DISC1: variants seen among roughly 807,000 people sequenced by gnomAD.
The protein encoded by DISC1 is DISC1 scaffold protein.
Under a neutral mutation model 84.5 loss-of-function variants are expected in DISC1, and 57 were observed. The ratio of observed to expected loss-of-function variants is 0.67; its 90% CI spans 0.55 to 0.84. The LOEUF is 0.84. Among genes scored for constraint, DISC1 ranks in the 40% least tolerant of loss-of-function variants. DISC1 has a pLI of 0.00. For synonymous variants in DISC1, 411 were observed against 415.2 expected (o/e 0.99, Z 0.12); for missense variants, 1,000 against 1,057.8 (o/e 0.95, Z 0.76).
intron 9 of DISC1, among the ~76,000 whole-genome samples, chr1:231,861,820 A>G (rs754565752): frequency 6.6e-6 from 1 of 152,160 alleles, no homozygotes; most frequent in African/African-American, 2.4e-5. Context: ...ATATTACCTC[A>G]TAGTAGATTA....
At chr1:231,901,698 G>C (rs139593823) in intron 9 of DISC1, among the ~76,000 whole-genome samples, 1 of 152,046 alleles carries the variant, frequency 6.6e-6, no homozygotes, top group Non-Finnish European at 1.5e-5. Flanking sequence ...ATTTTTTCTT[G>C]TTCACTGGCA....
At chr1:231,712,011 A>G (rs1573112023) in intron 3 of DISC1, among the ~76,000 whole-genome samples, 1 of 152,182 alleles carries the variant, frequency 6.6e-6, no homozygotes, top group East Asian at 1.9e-4. Flanking sequence ...GTCCTATATG[A>G]CATCAGATCA....
chr1:231,664,027 T>C (rs61835361), intron 1 of DISC1, among the ~76,000 whole-genome samples: 23,920 of 139,394 alleles, frequency 0.17, 2,630 homozygotes, highest in East Asian at 0.48. Context: ...TCTATCTATC[T>C]ATCCATCTAT....
intron 9 of DISC1, among the ~76,000 whole-genome samples, chr1:231,952,544 C>G (rs1269627119): frequency 1.3e-5 from 2 of 151,978 alleles, no homozygotes; most frequent in Non-Finnish European, 2.9e-5. Context: ...ACATGCAAAT[C>G]AAAATCTTTT....
intron 4 of DISC1, among the ~76,000 whole-genome samples, chr1:231,758,917 G>T (rs1156932952): frequency 6.6e-6 from 1 of 152,204 alleles, no homozygotes; most frequent in East Asian, 1.9e-4. Context: ...GTGCATGTAT[G>T]TGTTTGTATG....
intron 6 of DISC1, among the ~76,000 whole-genome samples, chr1:231,777,027 C>T (rs1446845519): frequency 6.6e-6 from 1 of 152,152 alleles, no homozygotes; most frequent in Admixed American, 6.5e-5. Flanking sequence ...CTTTTCCATT[C>T]GTGAAGATTG....
At chr1:231,921,808 C>CA (rs2090028894) in intron 9 of DISC1, among the ~76,000 whole-genome samples, 1 of 120,204 alleles carries the variant, frequency 8.3e-6, no homozygotes, top group Admixed American at 9.2e-5. Context: ...CACTAGTTAC[C>CA]TTTTTTTTTT....
chr1:231,805,443 A>G (rs767024582), intron 8 of DISC1, among the ~76,000 whole-genome samples: 2 of 151,540 alleles, frequency 1.3e-5, no homozygotes, highest in Admixed American at 1.3e-4. Flanking sequence ...TCATGGCGGA[A>G]GGTGAAGGGG....
intron 4 of DISC1, among the ~76,000 whole-genome samples, chr1:231,753,107 G>A (rs796639915): frequency 2.5e-4 from 38 of 152,290 alleles, no homozygotes; most frequent in African/African-American, 9.1e-4. Context: ...GCTATTCCAG[G>A]GTCTGCAGGA....
At chr1:231,740,218 C>T (rs921236129) in intron 3 of DISC1, among the ~76,000 whole-genome samples, 3 of 152,104 alleles carry the variant, frequency 2.0e-5, no homozygotes, top group Admixed American at 1.3e-4. Context: ...CATCACCAAC[C>T]GACATAGACA....
intron 4 of DISC1, among the ~76,000 whole-genome samples, chr1:231,753,060 C>A (rs2074779787): frequency 6.6e-6 from 1 of 152,232 alleles, no homozygotes; most frequent in South Asian, 2.1e-4. Context: ...GTACCTGCAG[C>A]TTTTCCATGC....
chr1:231,697,292 T>C (rs1181220826), intron 2 of DISC1, among the ~76,000 whole-genome samples: 2 of 152,178 alleles, frequency 1.3e-5, no homozygotes, highest in African/African-American at 4.8e-5. Flanking sequence ...TAAGTAAAAA[T>C]GAGAATCTCA....
At chr1:231,848,570 T>C (rs943022270) in intron 9 of DISC1, among the ~76,000 whole-genome samples, 6 of 152,120 alleles carry the variant, frequency 3.9e-5, no homozygotes, top group African/African-American at 1.4e-4. Flanking sequence ...CACCTCTCCT[T>C]TGTGTAGCAA....
chr1:231,645,247 G>A (rs1038285434), intron 1 of DISC1, among the ~76,000 whole-genome samples: 1 of 152,114 alleles, frequency 6.6e-6, no homozygotes, highest in African/African-American at 2.4e-5. Flanking sequence ...TAACTGGAAG[G>A]CAGGGAGCTC....
At chr1:231,960,255 T>C (rs1253103087) in intron 10 of DISC1, among the ~76,000 whole-genome samples, 1 of 152,108 alleles carries the variant, frequency 6.6e-6, no homozygotes, top group Non-Finnish European at 1.5e-5. Flanking sequence ...CTTATTTATT[T>C]ATTTATTTAT....
At chr1:231,971,439 T>G (rs1661938148) in intron 10 of DISC1, among the ~76,000 whole-genome samples, 1 of 152,244 alleles carries the variant, frequency 6.6e-6, no homozygotes, top group African/African-American at 2.4e-5. Flanking sequence ...ACTTGCTCAA[T>G]GTCCTTATCT....
At chr1:231,991,755 G>A (rs1015277492) in intron 10 of DISC1, among the ~76,000 whole-genome samples, 17 of 152,142 alleles carry the variant, frequency 1.1e-4, no homozygotes, top group African/African-American at 4.1e-4. Flanking sequence ...ACAACAGAAA[G>A]GGGTAAAATG....
chr1:232,016,715 T>C (rs1299020797), intron 11 of DISC1, among the ~76,000 whole-genome samples: 1 of 152,238 alleles, frequency 6.6e-6, no homozygotes, highest in African/African-American at 2.4e-5. Flanking sequence ...TATTTAGAGC[T>C]TGTTTCTCCG....
chr1:231,899,790 A>G (rs2088002443), intron 9 of DISC1, among the ~76,000 whole-genome samples: 1 of 152,176 alleles, frequency 6.6e-6, no homozygotes, highest in Admixed American at 6.5e-5. Context: ...ATAAAAGAGA[A>G]AAGTACTTTT....
Sources: allele counts gnomAD v4.1 joint callset (sites outside exome capture counted in the v4.1 genomes callset), GRCh38; gene constraint gnomAD v4.1.1; transcripts MANE v1.5; gene names NCBI Gene and HGNC (gene_info 2026-07-23, HGNC 2026-07-21).